COG1: variants seen among roughly 807,000 people sequenced by gnomAD.
COG1 encodes conserved oligomeric Golgi complex subunit 1.
COG1 carries 61 observed loss-of-function variants against 102.2 expected under a neutral mutation model. The ratio of observed to expected loss-of-function variants is 0.60; its 90% CI spans 0.49 to 0.74. The LOEUF is 0.74. Ranked by LOEUF, COG1 falls within the 30% of genes least tolerant of loss-of-function variation. The pLI is 0.00. For synonymous variants in COG1, 454 were observed against 493.6 expected (o/e 0.92, Z 1.06); for missense variants, 1,164 against 1,232.1 (o/e 0.94, Z 0.83).
chr17:73,196,614 C>G lies in COG1; in HGVS notation c.423C>G (p.Leu141=). 2 of 1,614,204 alleles carry G rather than the reference C, an allele frequency of 1.2e-6. No individual in the cohort carries two copies. The highest frequency in any genetic ancestry group is 1.7e-6 in the Non-Finnish European group (2 of 1,180,040). ...IWSSMEASQC[L]HATQLYLLCC... ...GCTCGATGGAAGCCTCTCAGTGTCT[C>G]CACGCCACACAGCTCTACCTGCTCT... The change falls in exon 2 of 14, where the codon CTC becomes CTG. Residue 141 remains leucine, a synonymous_variant. Coordinates refer to ENST00000299886, the MANE Select transcript of COG1 (RefSeq NM_018714.3).
rs2061345021 is a variant in COG1 at position 73,201,102 on chromosome 17, C to CT, written c.1282-3dup. ...GTGATTAGAACTCTTCTCTCATTCT[C>CT]TTTTAGACTCTGACAAAAGAAGGCT... On this transcript the variant is annotated splice_polypyrimidine_tract_variant and splice_region_variant and intron_variant, in intron 6 of 13. Coordinates refer to ENST00000299886, the MANE Select transcript of COG1 (RefSeq NM_018714.3). 1.2e-6 allele frequency: 2 copies of CT among 1,613,392 alleles called. No homozygotes were observed. Among genetic ancestry groups the CT allele is most frequent in the East Asian group, 4.5e-5 (2 of 44,890 alleles).
In COG1 at chr17:73,196,922, A is replaced by G. The variant is rs755041289; in HGVS notation, c.583A>G (p.Lys195Glu). The change falls in exon 3 of 14, where the codon AAG (lysine) becomes GAG (glutamate). Residue 195 changes from lysine (K) to glutamate (E), a missense_variant. Transcript: ENST00000299886. ...TAGGTCAACTATTCTGCATGAAAGC[A>G]AGATGTTGCTCAAATGCCAAGGTGT... ...HFRSTILHES[K>E]MLLKCQGVSD... 6.2e-7 allele frequency: 1 copy of G among 1,614,226 alleles called. No individual in the cohort carries two copies. The highest frequency in any genetic ancestry group is 8.5e-7 in the Non-Finnish European group (1 of 1,180,040).
intron 1 of COG1, 97 bp from the exon 2 acceptor site, chr17:73,196,410 G>C: frequency 6.3e-7 from 1 of 1,584,262 alleles, no homozygotes; most frequent in South Asian, 1.1e-5. Context: ...TAGAAGTTTT[G>C]TATCCTTAAA....
At chr17:73,203,172 A>T in intron 8 of COG1, 26 bp downstream of exon 8, 1 of 1,613,094 alleles carries the variant, frequency 6.2e-7, no homozygotes, top group Non-Finnish European at 8.5e-7. Flanking sequence ...GGGCTGAAAA[A>T]GGGAATAAAC....
intron 1 of COG1, 103 bp downstream of exon 1, chr17:73,193,487 T>C: frequency 8.6e-7 from 1 of 1,166,264 alleles, no homozygotes. Context: ...ACCCCGCGAG[T>C]CCTCACCTTC....
intron 8 of COG1, 47 bp from the exon 9 acceptor site, chr17:73,203,585 A>G: frequency 6.2e-7 from 1 of 1,609,126 alleles, no homozygotes. Flanking sequence ...ACTGTGTGTC[A>G]TTTAATTGGT....
At position 73,196,616 on chromosome 17, in the gene COG1, A is replaced by C. The variant is rs1568294982; in HGVS notation, c.425A>C (p.His142Pro). The change falls in exon 2 of 14, where the codon CAC (histidine) becomes CCC (proline). Residue 142 changes from histidine (H) to proline (P), a missense_variant. By Grantham distance (77) the His-to-Pro change is moderately conservative. Coordinates refer to ENST00000299886, the MANE Select transcript of COG1 (RefSeq NM_018714.3). ...TCGATGGAAGCCTCTCAGTGTCTCC[A>C]CGCCACACAGCTCTACCTGCTCTGC... Reference protein sequence around the residue: ...WSSMEASQCLHATQLYLLCCH... With the variant: ...WSSMEASQCLPATQLYLLCCH... 2 of 1,614,162 alleles carry C rather than the reference A, an allele frequency of 1.2e-6. No individual in the cohort carries two copies. The highest frequency in any genetic ancestry group is 1.7e-5 in the Admixed American group (1 of 60,024).
Position 73,201,654 on chromosome 17 carries a change from C to T in COG1, c.1827C>T (p.His609=). Residue 609 remains histidine, a synonymous_variant, in exon 7 of 14, where the codon CAC becomes CAT. Coordinates refer to ENST00000299886, the MANE Select transcript of COG1 (RefSeq NM_018714.3). ...QQDALNSAKL[H]SVLFMARLCQ... Reference sequence around the variant, plus strand: ...ATGCCCTCAACAGTGCCAAGCTGCACTCAGTTCTTTTCATGGCCAGACTCT... The same window carrying T: ...ATGCCCTCAACAGTGCCAAGCTGCATTCAGTTCTTTTCATGGCCAGACTCT... 1 of 1,614,254 alleles carries T rather than the reference C, an allele frequency of 6.2e-7. No individual in the cohort carries two copies.
At chr17:73,198,169 A>G (rs2061332858) in intron 4 of COG1, among the ~76,000 whole-genome samples, 1 of 129,088 alleles carries the variant, frequency 7.7e-6, no homozygotes, top group Admixed American at 8.7e-5. Context: ...ACGAAGGAAC[A>G]ATAGAGACGG....
intron 4 of COG1, 25 bp from the exon 5 acceptor site, chr17:73,199,840 G>C: frequency 1.2e-6 from 2 of 1,613,966 alleles, no homozygotes; most frequent in South Asian, 2.2e-5. Flanking sequence ...GGCCTAGATG[G>C]CTTCTCACTT....
Position 73,197,089 on chromosome 17 carries a change from T to C in COG1, c.742+8T>C. On this transcript the variant is annotated splice_region_variant and intron_variant, in intron 3 of 13. Transcript: ENST00000299886. ...TCAACCAGCCACACCATGGTGGGTG[T>C]GGCTTCTGGCCAACATTTGGTCCTT... 1 of 1,614,116 alleles carries C rather than the reference T, an allele frequency of 6.2e-7. No individual in the cohort carries two copies. The highest frequency in any genetic ancestry group is 8.5e-7 in the Non-Finnish European group (1 of 1,180,030).
intron 8 of COG1, 32 bp downstream of exon 8, chr17:73,203,178 T>C: frequency 6.2e-7 from 1 of 1,612,952 alleles, no homozygotes; most frequent in Non-Finnish European, 8.5e-7. Flanking sequence ...AAAAAGGGAA[T>C]AAACTGCTCC....
At chr17:73,198,895 A>G (rs2061335510) in intron 4 of COG1, among the ~76,000 whole-genome samples, 2 of 152,234 alleles carry the variant, frequency 1.3e-5, no homozygotes, top group African/African-American at 4.8e-5. Flanking sequence ...GGTGGTGGCC[A>G]CGTGGCTGTT....
At chr17:73,201,951 C>T in intron 7 of COG1, 51 bp downstream of exon 7, 4 of 1,542,464 alleles carry the variant, frequency 2.6e-6, no homozygotes, top group Non-Finnish European at 3.6e-6. Context: ...TGTCATATTC[C>T]AGTCTTGCCA....
At chr17:73,206,605 C>CA in intron 11 of COG1, 103 bp from the exon 12 acceptor site, 2 of 795,894 alleles carry the variant, frequency 2.5e-6, no homozygotes, top group Non-Finnish European at 4.3e-6. Flanking sequence ...CCCAAAATGA[C>CA]AGTTAGAAAT....
Position 73,206,750 on chromosome 17 carries a change from C to A in COG1, c.2662C>A (p.Pro888Thr). 6.2e-7 allele frequency: 1 copy of A among 1,613,464 alleles called. No homozygotes were observed. The highest frequency in any genetic ancestry group is 2.2e-5 in the East Asian group (1 of 44,830). The change falls in exon 12 of 14, where the codon CCC becomes ACC. Residue 888 changes from proline (P) to threonine (T), a missense_variant. Physicochemically the swap from Pro to Thr is conservative, Grantham distance 38. Transcript: ENST00000299886. ...LVTGTENQLAPRSSTFNSQEP... is the reference protein window; with the variant it reads ...LVTGTENQLATRSSTFNSQEP... ...GACTGGTACAGAGAATCAGCTCGCC[C>A]CCCGGAGCAGTACGTTCAACTCCCA...
chr17:73,193,151 G>T lies in COG1; in HGVS notation c.82G>T (p.Glu28Ter), dbSNP rs1328588383. ...PAALFETHGA[E>*]EIRGLERQVR... is the part of the protein sequence containing the mutation. ...GGCTCTTTTCGAGACGCATGGAGCG[G>T]AGGAGATCCGCGGGCTGGAGCGCCA... Residue 28 changes from glutamate (E) to a stop codon, truncating the protein, a stop_gained, in exon 1 of 14, where the codon GAG becomes TAG. Transcript: ENST00000299886. LOFTEE classifies it high-confidence loss of function. The T allele has an allele frequency of 6.2e-7, 1 of 1,609,478 alleles. No individual in the cohort carries two copies. The highest frequency in any genetic ancestry group is 1.3e-5 in the African/African-American group (1 of 74,882).
chr17:73,201,958 G>A, intron 7 of COG1, 58 bp downstream of exon 7: 5 of 1,505,548 alleles, frequency 3.3e-6, no homozygotes, highest in Non-Finnish European at 2.8e-6. Flanking sequence ...TTCCAGTCTT[G>A]CCAACCTCAA....
chr17:73,207,178 GA>G lies in COG1; in HGVS notation c.2730-2del. On this transcript the variant is annotated splice_acceptor_variant, in intron 12 of 13. Coordinates refer to ENST00000299886, the MANE Select transcript of COG1 (RefSeq NM_018714.3). LOFTEE classifies it high-confidence loss of function. Reference sequence around the variant, plus strand: ...TACTAAATTCTTTCCTCTTGTTTTGGAGGTTTGGACTTCTCCCACTGAGCAT... The same window carrying G: ...TACTAAATTCTTTCCTCTTGTTTTGGGGTTTGGACTTCTCCCACTGAGCAT... The G allele has an allele frequency of 1.2e-6, 2 of 1,612,222 alleles. No homozygotes were observed. Among genetic ancestry groups the G allele is most frequent in the Non-Finnish European group, 8.5e-7 (1 of 1,179,434 alleles).
Sources: gnomAD v4.1 joint callset for allele counts (sites outside exome capture counted in the v4.1 genomes callset) on GRCh38, gnomAD v4.1.1 for gene constraint, MANE v1.5 for transcripts, NCBI Gene and HGNC (gene_info 2026-07-23, HGNC 2026-07-21) for gene names.